SLC12A2: variants seen among roughly 807,000 people sequenced by gnomAD.
SLC12A2 encodes the protein Na-K-2Cl cotransporter 1.
In SLC12A2, 67 loss-of-function variants were observed where a neutral mutation model predicts 136.3. The ratio of observed to expected loss-of-function variants is 0.49; its 90% CI spans 0.40 to 0.60. The LOEUF (loss-of-function observed/expected upper bound fraction) is 0.60, where lower values mean the gene tolerates loss of function less well. Ranked by LOEUF, SLC12A2 falls within the 20% of genes least tolerant of loss-of-function variation. SLC12A2 has a pLI of 0.00. For synonymous variants in SLC12A2, 619 were observed against 562.9 expected (o/e 1.10, Z -1.41); for missense variants, 1,322 against 1,534.7 (o/e 0.86, Z 2.32).
chr5:128,112,829 G>C lies in SLC12A2; in HGVS notation c.772G>C (p.Gly258Arg), dbSNP rs1761202841. 1 of 1,609,312 alleles carries C rather than the reference G, an allele frequency of 6.2e-7. No individual in the cohort carries two copies. The highest frequency in any genetic ancestry group is 1.7e-5 in the Admixed American group (1 of 59,216). Residue 258 changes from glycine (G) to arginine (R), a missense_variant, in exon 2 of 27, where the codon GGC (glycine) becomes CGC (arginine). Physicochemically the swap from Gly to Arg is moderately radical, Grantham distance 125. Transcript: ENST00000262461. ...DELEKEPFED[G>R]FANGEESTPT... ...TTATAACCAGGAACCTTTTGAGGAT[G>C]GCTTTGCAAATGGGGAAGAAAGTAC...
intron 1 of SLC12A2, among the ~76,000 whole-genome samples, chr5:128,091,132 C>A (rs1232960582): frequency 6.6e-6 from 1 of 152,182 alleles, no homozygotes; most frequent in African/African-American, 2.4e-5. Flanking sequence ...GTGATTGATA[C>A]AATGAGAGGT....
At chr5:128,115,487 A>G (rs1321867673) in intron 4 of SLC12A2, among the ~76,000 whole-genome samples, 1 of 152,182 alleles carries the variant, frequency 6.6e-6, no homozygotes, top group African/African-American at 2.4e-5. Context: ...GCCTCTCATT[A>G]GAGTCTATAA....
intron 24 of SLC12A2, among the ~76,000 whole-genome samples, chr5:128,183,521 T>C (rs1309008614): frequency 3.3e-5 from 5 of 152,002 alleles, no homozygotes; most frequent in Admixed American, 3.3e-4. Flanking sequence ...TTGCTTTTAT[T>C]GTAACACAGT....
At position 128,145,693 on chromosome 5, in the gene SLC12A2, G is replaced by C. The variant is rs527893455; in HGVS notation, c.1774-1929G>C. ...TGGAAGATCTAGGGAAAGATGTTTAGTCAACAGGGTGGTTTATGTGTACAT... is the reference window on the plus strand; with the variant it reads ...TGGAAGATCTAGGGAAAGATGTTTACTCAACAGGGTGGTTTATGTGTACAT... On this transcript the variant is annotated intron_variant, in intron 10 of 26. Transcript: ENST00000262461. 2.0e-5 allele frequency among the ~76,000 whole-genome samples: 3 copies of C among 152,100 alleles called. No individual in the cohort carries two copies. The South Asian group carries it at 6.2e-4, about 32-fold the overall frequency.
chr5:128,088,177 T>C (rs1760174685), intron 1 of SLC12A2, among the ~76,000 whole-genome samples: 1 of 152,044 alleles, frequency 6.6e-6, no homozygotes, highest in South Asian at 2.1e-4. Context: ...GGAGATTGTT[T>C]AAAGGTCTGT....
At chr5:128,161,384 CT>C (rs1306769024) in intron 16 of SLC12A2, among the ~76,000 whole-genome samples, 5 of 152,116 alleles carry the variant, frequency 3.3e-5, no homozygotes, top group African/African-American at 1.2e-4. Flanking sequence ...CTTCTAACCT[CT>C]TTACTTAGAA....
At chr5:128,132,005 CA>C (rs1762041584) in intron 5 of SLC12A2, among the ~76,000 whole-genome samples, 1 of 151,280 alleles carries the variant, frequency 6.6e-6, no homozygotes, top group African/African-American at 2.4e-5. Flanking sequence ...AACTCTGTCT[CA>C]AAAAAGAAAA....
intron 2 of SLC12A2, among the ~76,000 whole-genome samples, chr5:128,113,949 G>A (rs1056160018): frequency 6.6e-6 from 1 of 152,104 alleles, no homozygotes; most frequent in Non-Finnish European, 1.5e-5. Context: ...TGTTGCTTCT[G>A]CTGCTTCACA....
intron 22 of SLC12A2, among the ~76,000 whole-genome samples, chr5:128,178,932 A>G (rs1356639136): frequency 6.6e-6 from 1 of 152,140 alleles, no homozygotes; most frequent in Non-Finnish European, 1.5e-5. Flanking sequence ...TTTTAATATG[A>G]ACCATTTTGT....
At chr5:128,150,424 C>T (rs1762663814) in intron 13 of SLC12A2, among the ~76,000 whole-genome samples, 1 of 151,540 alleles carries the variant, frequency 6.6e-6, no homozygotes, top group Admixed American at 6.6e-5. Context: ...ATATAGTTTA[C>T]CTGTAAGAAA....
At chr5:128,135,949 T>C (rs1762177655) in intron 7 of SLC12A2, 141 bp downstream of exon 7, 1 of 649,192 alleles carries the variant, frequency 1.5e-6, no homozygotes, top group Admixed American at 2.8e-5. Flanking sequence ...TTTAGTTTTG[T>C]CCCCTTTATG....
At position 128,114,677 on chromosome 5, in the gene SLC12A2, A is replaced by G. The variant is rs770358040; in HGVS notation, c.1044A>G (p.Arg348=). The G allele has an allele frequency of 1.3e-6, 2 of 1,583,504 alleles. No individual in the cohort carries two copies. Among genetic ancestry groups the G allele is most frequent in the South Asian group, 2.2e-5 (2 of 90,452 alleles). ...TSAIATNGFV[R]GGGAYYLISR... ...CAATAGCAACTAATGGATTTGTAAG[A>G]GGAGGTAAGTAGAATCTTTTTGAAT... The change falls in exon 4 of 27, where the codon AGA becomes AGG. Residue 348 remains arginine (R), a synonymous_variant. Coordinates refer to ENST00000262461, the MANE Select transcript of SLC12A2 (RefSeq NM_001046.3).
At chr5:128,100,298 C>T (rs1760700821) in intron 1 of SLC12A2, among the ~76,000 whole-genome samples, 1 of 152,106 alleles carries the variant, frequency 6.6e-6, no homozygotes, top group Non-Finnish European at 1.5e-5. Flanking sequence ...AGGAAAAGGA[C>T]TTCACCTCTG....
intron 17 of SLC12A2, among the ~76,000 whole-genome samples, chr5:128,164,431 A>T (rs1763138445): frequency 6.6e-6 from 1 of 152,148 alleles, no homozygotes; most frequent in African/African-American, 2.4e-5. Context: ...TATTGTTTTG[A>T]GAAAAATACT....
chr5:128,150,945 A>C (rs1253727705), intron 13 of SLC12A2, among the ~76,000 whole-genome samples: 1 of 151,908 alleles, frequency 6.6e-6, no homozygotes, highest in East Asian at 1.9e-4. Context: ...TATACTTTTT[A>C]ACATTCACCT....
intron 5 of SLC12A2, among the ~76,000 whole-genome samples, chr5:128,131,575 G>T (rs1762024857): frequency 6.6e-6 from 1 of 151,158 alleles, no homozygotes; most frequent in East Asian, 1.9e-4. Context: ...GTGGTGGCAG[G>T]CACCTGTAGT....
rs935919453 is a variant in SLC12A2 at position 128,189,517 on chromosome 5, G to A, written c.*2886G>A. 2.6e-5 allele frequency: 4 copies of A among 152,454 alleles called. No individual in the cohort carries two copies. The highest frequency in any genetic ancestry group is 1.3e-4 in the Admixed American group (2 of 15,272). 9.4% of individuals were successfully genotyped at this position (152,454 alleles called of 1,614,324 possible). A position where few individuals can be genotyped will look rare whatever the true frequency, so the allele number is the denominator to read the frequency against. ...AAATAATTTAAAGATTTAAGCTCTG[G>A]TGGATGATTATCTGCTAAGTAAGTC... On this transcript the variant is annotated 3_prime_UTR_variant, in exon 27 of 27. Coordinates refer to ENST00000262461, the MANE Select transcript of SLC12A2 (RefSeq NM_001046.3).
chr5:128,144,094 G>C (rs970132807), intron 10 of SLC12A2, among the ~76,000 whole-genome samples: 2 of 152,016 alleles, frequency 1.3e-5, no homozygotes, highest in Non-Finnish European at 2.9e-5. Flanking sequence ...GGCCAATTCT[G>C]ACATTGATAC....
intron 1 of SLC12A2, among the ~76,000 whole-genome samples, chr5:128,087,005 G>C (rs1232969667): frequency 1.3e-5 from 2 of 152,150 alleles, no homozygotes; most frequent in African/African-American, 4.8e-5. Context: ...TATCTACCAT[G>C]GGACTAACTC....
Sources: gnomAD v4.1 joint callset for allele counts (sites outside exome capture counted in the v4.1 genomes callset) on GRCh38, gnomAD v4.1.1 for gene constraint, MANE v1.5 for transcripts, NCBI Gene and HGNC (gene_info 2026-07-23, HGNC 2026-07-21) for gene names.